The following GGNBP2 variants were observed in gnomAD, a reference collection of about 807,000 sequenced individuals.
GGNBP2 encodes the protein gametogenetin-binding protein 2.
Under a neutral mutation model 85.9 loss-of-function variants are expected in GGNBP2, and 10 were observed. The ratio of observed to expected loss-of-function variants is 0.12; its 90% CI spans 0.07 to 0.20. The LOEUF is 0.20. Among genes scored for constraint, GGNBP2 ranks in the 10% least tolerant of loss-of-function variants. The pLI is 1.00. For synonymous variants in GGNBP2, 287 were observed against 285.7 expected, an observed-to-expected ratio of 1.00 and a Z score of -0.05; for missense variants, 595 against 857.8, an observed-to-expected ratio of 0.69 and a Z score of 3.83.
Position 36,545,619 on chromosome 17 carries a change from G to A in GGNBP2, c.-106G>A, listed in dbSNP as rs2074244068. ...CGCTCGCGGGGTTTGGCTGTTGCAG[G>A]CAGGAGCTGGGAGGAGGCGGCAGCG... On this transcript the variant is annotated splice_region_variant and 5_prime_UTR_variant, in exon 2 of 14. Transcript: ENST00000613102. 3.6e-6 allele frequency: 3 copies of A among 837,634 alleles called. No individual in the cohort carries two copies. The highest frequency in any genetic ancestry group is 5.8e-6 in the Non-Finnish European group (3 of 513,580). 51.9% of individuals were successfully genotyped at this position (837,634 alleles called of 1,614,324 possible).
chr17:36,562,979 AAAAAG>A (rs2074433880), intron 5 of GGNBP2, among the ~76,000 whole-genome samples: 1 of 146,078 alleles, frequency 6.8e-6, no homozygotes, highest in African/African-American at 2.5e-5. Flanking sequence ...AAAAAAAAAA[AAAAAG>A]GCTGGGCGTG....
At chr17:36,559,151 T>A (rs1380787934) in intron 4 of GGNBP2, among the ~76,000 whole-genome samples, 2 of 151,514 alleles carry the variant, frequency 1.3e-5, no homozygotes, top group Non-Finnish European at 2.9e-5. Flanking sequence ...AATAAAAAAT[T>A]AGCCGGGCGT....
At chr17:36,547,317 A>G (rs1409538063) in intron 2 of GGNBP2, 1 of 152,148 alleles carries the variant, frequency 6.6e-6, no homozygotes, top group Non-Finnish European at 1.5e-5. Flanking sequence ...TATAGTTATG[A>G]TATCAGCCTT....
intron 2 of GGNBP2, among the ~76,000 whole-genome samples, chr17:36,551,270 G>A (rs919662908): frequency 2.0e-5 from 3 of 151,298 alleles, no homozygotes; most frequent in African/African-American, 4.9e-5. Flanking sequence ...GCAATGGCAC[G>A]ATCTTGGCTC....
At chr17:36,573,737 A>G (rs2074549349) in intron 6 of GGNBP2, among the ~76,000 whole-genome samples, 1 of 151,954 alleles carries the variant, frequency 6.6e-6, no homozygotes. Flanking sequence ...GTTTAAGGTG[A>G]TATCTCATTG....
At chr17:36,585,072 C>G (rs551822369) in intron 9 of GGNBP2, among the ~76,000 whole-genome samples, 90 of 152,300 alleles carry the variant, frequency 5.9e-4, no homozygotes, top group Non-Finnish European at 1.0e-3. Context: ...GAGCGCTTGA[C>G]AGTTGAAGAA....
At chr17:36,579,484 TG>T in intron 8 of GGNBP2, 65 bp downstream of exon 8, 1 of 1,411,944 alleles carries the variant, frequency 7.1e-7, no homozygotes, top group South Asian at 1.2e-5. Flanking sequence ...TGAATCTTAA[TG>T]TAAGCCACCA....
intron 9 of GGNBP2, among the ~76,000 whole-genome samples, chr17:36,584,967 A>G (rs80131673): frequency 6.7e-6 from 1 of 149,646 alleles, no homozygotes; most frequent in Non-Finnish European, 1.5e-5. Flanking sequence ...AAAAAAAAAA[A>G]GGAAAAAGTA....
intron 5 of GGNBP2, among the ~76,000 whole-genome samples, chr17:36,562,242 A>T (rs569804807): frequency 1.2e-3 from 177 of 151,980 alleles, no homozygotes; most frequent in Non-Finnish European, 2.0e-3. Context: ...ATCTCAGCTC[A>T]TGCAACCTCT....
At chr17:36,581,992 C>T (rs1479263008) in intron 9 of GGNBP2, 1 of 152,260 alleles carries the variant, frequency 6.6e-6, no homozygotes, top group Non-Finnish European at 1.5e-5. Flanking sequence ...ATCTTCCCAC[C>T]TCAGCTTCCC....
chr17:36,581,704 GATCTCT>G lies in GGNBP2; in HGVS notation c.1215+175_1215+180del, dbSNP rs139507310. On this transcript the variant is annotated intron_variant, in intron 9 of 13. Transcript: ENST00000613102. ...GGGACCAGCCTGGGCAAGATAGTGAGATCTCTATCTCTATTTATTTTATTTTATTTT... is the reference window on the plus strand; with the variant it reads ...GGGACCAGCCTGGGCAAGATAGTGAGATCTCTATTTATTTTATTTTATTTT... 1.1e-3 allele frequency: 449 copies of G among 415,742 alleles called. 1 individual carries two copies. Among genetic ancestry groups the G allele is most frequent in the African/African-American group, 8.1e-3 (394 of 48,708 alleles). 25.8% of individuals were successfully genotyped at this position (415,742 alleles called of 1,614,324 possible).
intron 5 of GGNBP2, among the ~76,000 whole-genome samples, chr17:36,562,689 G>A (rs2074429460): frequency 6.6e-6 from 1 of 151,260 alleles, no homozygotes; most frequent in Non-Finnish European, 1.5e-5. Flanking sequence ...TTTATCGGCC[G>A]GGTGCAGTGG....
rs2074703410 is a variant in GGNBP2, at chr17:36,586,541, G to C, written c.1641+343G>C. The C allele has an allele frequency of 1.0e-5, 3 of 298,478 alleles. No individual in the cohort carries two copies. In the South Asian group the frequency reaches 1.4e-4, roughly 14 times the overall value. 18.5% of individuals were successfully genotyped at this position (298,478 alleles called of 1,614,324 possible). ...ATTGGCAGGTGTGGCATAGTGTCTA[G>C]TACATAGTAAGTGCCTGGTAAAATA... On this transcript the variant is annotated intron_variant, in intron 12 of 13. Coordinates refer to ENST00000613102, the MANE Select transcript of GGNBP2 (RefSeq NM_024835.5).
At chr17:36,545,390 T>C (rs1341366037) in intron 1 of GGNBP2, 5 of 209,500 alleles carry the variant, frequency 2.4e-5, no homozygotes, top group Non-Finnish European at 1.6e-5. Flanking sequence ...CTTTGGACCC[T>C]GACTGGAGGC....
chr17:36,589,358 G>C lies in GGNBP2; in HGVS notation c.2041G>C (p.Asp681His), dbSNP rs149314412. 6.2e-7 allele frequency: 1 copy of C among 1,613,924 alleles called. No homozygotes were observed. Among genetic ancestry groups the C allele is most frequent in the African/African-American group, 1.3e-5 (1 of 74,942 alleles). ...EKFNKYCRLN[D>H]HKRPICSGWL... ...ATTTAATAAATACTGCCGGTTAAATGATCACAAGAGGCCCATTTGTAGTGG... is the reference window on the plus strand; with the variant it reads ...ATTTAATAAATACTGCCGGTTAAATCATCACAAGAGGCCCATTTGTAGTGG... The change falls in exon 14 of 14, where the codon GAT becomes CAT. Residue 681 changes from aspartate to histidine, a missense_variant. By Grantham distance (81) the Asp-to-His change is moderately conservative. This residue lies in a region of GGNBP2 where 26 missense variants were observed against 26.9 expected (regional missense o/e 0.97). Coordinates refer to ENST00000613102, the MANE Select transcript of GGNBP2 (RefSeq NM_024835.5).
chr17:36,587,875 G>A (rs905101215), intron 13 of GGNBP2, among the ~76,000 whole-genome samples: 1 of 151,864 alleles, frequency 6.6e-6, no homozygotes, highest in Non-Finnish European at 1.5e-5. Context: ...GACAGAGTGA[G>A]ACTTTGTCTC....
At chr17:36,570,558 G>A (rs941007167) in intron 6 of GGNBP2, among the ~76,000 whole-genome samples, 2 of 152,102 alleles carry the variant, frequency 1.3e-5, no homozygotes, top group African/African-American at 4.8e-5. Context: ...AAATTAGCTG[G>A]GCGTGGTGGT....
intron 5 of GGNBP2, among the ~76,000 whole-genome samples, chr17:36,563,755 T>C (rs1472049816): frequency 2.0e-5 from 3 of 151,668 alleles, no homozygotes; most frequent in African/African-American, 7.3e-5. Flanking sequence ...AATTCTTTTT[T>C]TTTTTTTGAG....
intron 2 of GGNBP2, among the ~76,000 whole-genome samples, chr17:36,552,897 C>T (rs796399014): frequency 6.6e-6 from 1 of 151,884 alleles, no homozygotes; most frequent in South Asian, 2.1e-4. Flanking sequence ...TGGCAGGTGC[C>T]TGTAATCCCA....
Sources: allele counts gnomAD v4.1 joint callset (sites outside exome capture counted in the v4.1 genomes callset), GRCh38; gene constraint gnomAD v4.1.1; regional missense constraint gnomAD v4.1.1; transcripts MANE v1.5; gene names NCBI Gene and HGNC (gene_info 2026-07-23, HGNC 2026-07-21).